CDYL: variants seen among roughly 807,000 people sequenced by gnomAD.
CDYL encodes chromodomain Y-like protein.
Under a neutral mutation model 47.3 loss-of-function variants are expected in CDYL, and 8 were observed. That is an observed-to-expected ratio of 0.17 (90% confidence interval 0.10 to 0.31). The LOEUF is 0.31. CDYL is among the 10% of genes least tolerant of loss of function. CDYL has a pLI of 1.00. For missense variants in CDYL, 471 were observed against 701.4 expected (o/e 0.67, Z 3.71); for synonymous variants, 266 against 265.0 (o/e 1.00, Z -0.04).
At chr6:4,712,323 G>A (rs1486392433) in intron 1 of CDYL, among the ~76,000 whole-genome samples, 1 of 152,182 alleles carries the variant, frequency 6.6e-6, no homozygotes, top group African/African-American at 2.4e-5. Flanking sequence ...CCATCCCCAT[G>A]AGGTGCAGAG....
chr6:4,728,085 T>A (rs952714319), intron 2 of CDYL, among the ~76,000 whole-genome samples: 1 of 152,026 alleles, frequency 6.6e-6, no homozygotes, highest in East Asian at 1.9e-4. Context: ...AATTTGCTTA[T>A]TTTTTTTCCT....
chr6:4,756,420 C>T (rs2127421475), intron 3 of CDYL, among the ~76,000 whole-genome samples: 1 of 152,238 alleles, frequency 6.6e-6, no homozygotes, highest in Admixed American at 6.5e-5. Flanking sequence ...TATCCTCCCA[C>T]CTCTTTCCCT....
intron 1 of CDYL, among the ~76,000 whole-genome samples, chr6:4,888,462 T>C (rs1414886174): frequency 6.6e-6 from 1 of 152,198 alleles, no homozygotes; most frequent in African/African-American, 2.4e-5. Context: ...ATTATTTTTA[T>C]TTCCATATGG....
chr6:4,847,647 G>C (rs1438938781), intron 1 of CDYL, among the ~76,000 whole-genome samples: 1 of 152,190 alleles, frequency 6.6e-6, no homozygotes, highest in Non-Finnish European at 1.5e-5. Context: ...TATGTATCAA[G>C]TTCTGCCTTT....
intron 1 of CDYL, among the ~76,000 whole-genome samples, chr6:4,848,199 TTA>T (rs1434257549): frequency 1.3e-5 from 2 of 152,126 alleles, no homozygotes; most frequent in Non-Finnish European, 2.9e-5. Flanking sequence ...GGGGGGTGCT[TTA>T]TTGTATAGGC....
chr6:4,834,505 C>CTTA (rs1760237823), intron 1 of CDYL, among the ~76,000 whole-genome samples: 1 of 149,868 alleles, frequency 6.7e-6, no homozygotes, highest in African/African-American at 2.5e-5. Context: ...CTGCCCTTAA[C>CTTA]ATTTTTTCCT....
chr6:4,855,634 T>C (rs1037548076), intron 1 of CDYL, among the ~76,000 whole-genome samples: 6 of 152,236 alleles, frequency 3.9e-5, no homozygotes, highest in African/African-American at 1.4e-4. Flanking sequence ...TATTTGTGGA[T>C]CTTTTATCTC....
chr6:4,850,412 C>T (rs990286082), intron 1 of CDYL, among the ~76,000 whole-genome samples: 8 of 152,074 alleles, frequency 5.3e-5, no homozygotes, highest in Admixed American at 2.0e-4. Flanking sequence ...GATGTTTTAG[C>T]GAAAAAGTTT....
intron 1 of CDYL, among the ~76,000 whole-genome samples, chr6:4,815,370 A>G (rs1208888466): frequency 1.3e-5 from 2 of 152,224 alleles, no homozygotes; most frequent in Non-Finnish European, 2.9e-5. Context: ...GTTACCACAT[A>G]TCAACCTTCT....
intron 3 of CDYL, among the ~76,000 whole-genome samples, chr6:4,764,288 A>ATTTTTTG (rs1320311038): frequency 6.6e-6 from 1 of 151,918 alleles, no homozygotes; most frequent in African/African-American, 2.4e-5. Context: ...GTTTTTTTTC[A>ATTTTTTG]TTTTTTGTTT....
rs372248526 is a variant in CDYL, at chr6:4,786,740, A to G, written c.24+9933A>G. Among the ~76,000 whole-genome samples the G allele has an allele frequency of 7.2e-5, 11 of 152,294 alleles. No individual in the cohort carries two copies. In the East Asian group the frequency reaches 1.2e-3, roughly 16 times the overall value. ...AGGGTCCCTGTTGGAATGAGGACCA[A>G]TCTGCTTCATAACTCCTCTCTGTCT... On this transcript the variant is annotated intron_variant, in intron 1 of 6. Coordinates refer to ENST00000397588, the MANE Select transcript of CDYL (RefSeq NM_004824.4).
At chr6:4,934,568 C>G (rs1301072784) in intron 2 of CDYL, among the ~76,000 whole-genome samples, 1 of 152,202 alleles carries the variant, frequency 6.6e-6, no homozygotes, top group African/African-American at 2.4e-5. Flanking sequence ...AAAGTCTGAT[C>G]TAGTTTTCTT....
chr6:4,758,760 A>G (rs999769672), intron 3 of CDYL, among the ~76,000 whole-genome samples: 5 of 152,126 alleles, frequency 3.3e-5, no homozygotes, highest in African/African-American at 4.8e-5. Flanking sequence ...ACACTTTAAC[A>G]TAGTTCCTGC....
intron 1 of CDYL, among the ~76,000 whole-genome samples, chr6:4,824,005 C>T (rs1217916281): frequency 2.0e-5 from 3 of 152,160 alleles, no homozygotes; most frequent in Non-Finnish European, 4.4e-5. Context: ...TTGTGTCTGG[C>T]TTCCTTCACT....
chr6:4,912,443 C>T (rs1757441461), intron 2 of CDYL, among the ~76,000 whole-genome samples: 1 of 152,248 alleles, frequency 6.6e-6, no homozygotes, highest in Non-Finnish European at 1.5e-5. Context: ...TCATCAAAAG[C>T]AGGTAGCAAG....
intron 3 of CDYL, among the ~76,000 whole-genome samples, chr6:4,769,965 T>TTGTGTGTG (rs58041362): frequency 0.011 from 1,470 of 137,884 alleles, 19 homozygotes; most frequent in African/African-American, 0.015. Context: ...CCCGGCTAAT[T>TTGTGTGTG]TGTGTGTGTG....
chr6:4,757,904 C>T (rs1232919395), intron 3 of CDYL, among the ~76,000 whole-genome samples: 1 of 152,008 alleles, frequency 6.6e-6, no homozygotes, highest in African/African-American at 2.4e-5. Flanking sequence ...TATTAAAATC[C>T]TCCCAAAAGA....
chr6:4,836,334 C>T (rs986645683), intron 1 of CDYL: 68 of 856,540 alleles, frequency 7.9e-5, no homozygotes, highest in Middle Eastern at 6.0e-4. Context: ...TTATTTTATA[C>T]GTGTGCTTTC....
chr6:4,802,865 G>C (rs1408902846), intron 1 of CDYL, among the ~76,000 whole-genome samples: 1 of 152,102 alleles, frequency 6.6e-6, no homozygotes, highest in African/African-American at 2.4e-5. Flanking sequence ...GAGGCCACAG[G>C]ATTCTCTTTT....
Sources: allele counts gnomAD v4.1 joint callset (sites outside exome capture counted in the v4.1 genomes callset), GRCh38; gene constraint gnomAD v4.1.1; transcripts MANE v1.5; gene names NCBI Gene and HGNC (gene_info 2026-07-23, HGNC 2026-07-21).